EHBP1: variants seen among roughly 807,000 people sequenced by gnomAD.
EHBP1 encodes EH domain-binding protein 1.
A neutral mutation model predicts 144.0 loss-of-function variants in EHBP1; 55 were observed. The observed-to-expected ratio is 0.38, with a 90% confidence interval of 0.31 to 0.48. The LOEUF (loss-of-function observed/expected upper bound fraction) is 0.48. Among genes scored for constraint, EHBP1 ranks in the 20% least tolerant of loss-of-function variants. The pLI is 0.98. For synonymous variants in EHBP1, 469 were observed against 472.7 expected, an observed-to-expected ratio of 0.99 and a Z score of 0.10; for missense variants, 1,200 against 1,364.2, an observed-to-expected ratio of 0.88 and a Z score of 1.90.
At chr2:62,819,580 A>G (rs992914251) in intron 5 of EHBP1, among the ~76,000 whole-genome samples, 13 of 152,246 alleles carry the variant, frequency 8.5e-5, no homozygotes, top group African/African-American at 3.1e-4. Flanking sequence ...CCTGGCCAAC[A>G]TGGTGAAACC....
intron 2 of EHBP1, among the ~76,000 whole-genome samples, chr2:62,708,837 C>G (rs2034848704): frequency 6.6e-6 from 1 of 152,108 alleles, no homozygotes; most frequent in African/African-American, 2.4e-5. Flanking sequence ...GGAGGCTTAC[C>G]TAGCATGGGA....
At chr2:62,889,250 T>G (rs113587062) in intron 10 of EHBP1, among the ~76,000 whole-genome samples, 1,485 of 144,254 alleles carry the variant, frequency 0.01, 27 homozygotes, top group African/African-American at 0.036. Flanking sequence ...TGTGTGTGTG[T>G]TTTTTTTTTG....
chr2:62,685,827 C>CATCACT (rs758853851), intron 1 of EHBP1, among the ~76,000 whole-genome samples: 6 of 152,148 alleles, frequency 3.9e-5, no homozygotes, highest in Non-Finnish European at 8.8e-5. Context: ...CCCTTCTTCT[C>CATCACT]ATCACTGAGA....
chr2:62,674,724 C>T (rs186727541), intron 1 of EHBP1, among the ~76,000 whole-genome samples: 5 of 152,282 alleles, frequency 3.3e-5, no homozygotes, highest in Admixed American at 3.3e-4. Flanking sequence ...TGTGCAGCAA[C>T]AGTTTATTGT....
chr2:62,843,688 G>T (rs2152730598), intron 7 of EHBP1, among the ~76,000 whole-genome samples: 1 of 152,184 alleles, frequency 6.6e-6, no homozygotes, highest in East Asian at 1.9e-4. Context: ...AACTTTCAGG[G>T]ATATATTTTT....
chr2:62,936,552 A>G (rs1436944337), intron 10 of EHBP1, among the ~76,000 whole-genome samples: 4 of 151,874 alleles, frequency 2.6e-5, no homozygotes, highest in Non-Finnish European at 4.4e-5. Context: ...CAAAAGTGCA[A>G]CTCTACCTCT....
intron 10 of EHBP1, among the ~76,000 whole-genome samples, chr2:62,923,212 C>T (rs996001136): frequency 2.0e-5 from 3 of 152,180 alleles, no homozygotes; most frequent in Non-Finnish European, 2.9e-5. Context: ...AAAATCTGGA[C>T]CCAAGATTGG....
intron 13 of EHBP1, among the ~76,000 whole-genome samples, chr2:62,953,510 T>C (rs919276926): frequency 2.6e-5 from 4 of 151,642 alleles, no homozygotes; most frequent in Non-Finnish European, 2.9e-5. Context: ...GATCATGCCA[T>C]TGGACTCCAG....
At chr2:62,814,926 G>A (rs1356703881) in intron 5 of EHBP1, among the ~76,000 whole-genome samples, 1 of 152,120 alleles carries the variant, frequency 6.6e-6, no homozygotes, top group South Asian at 2.1e-4. Context: ...GGGCTAGATA[G>A]CATGAATAAT....
intron 16 of EHBP1, among the ~76,000 whole-genome samples, chr2:62,991,863 CT>C (rs1440664870): frequency 6.6e-6 from 1 of 152,138 alleles, no homozygotes; most frequent in East Asian, 1.9e-4. Context: ...TGCTTTTCCC[CT>C]ATATTGTCAG....
At chr2:62,857,119 C>T (rs1159403964) in intron 7 of EHBP1, among the ~76,000 whole-genome samples, 1 of 152,162 alleles carries the variant, frequency 6.6e-6, no homozygotes, top group Non-Finnish European at 1.5e-5. Context: ...GGAATGCAGC[C>T]TATCGAACTT....
At chr2:63,041,830 G>A (rs1010634909) in intron 21 of EHBP1, among the ~76,000 whole-genome samples, 3 of 152,132 alleles carry the variant, frequency 2.0e-5, no homozygotes, top group African/African-American at 7.2e-5. Flanking sequence ...CAAAGTGCCA[G>A]GCTTATTTAT....
At chr2:63,020,960 G>A (rs2060715639) in intron 19 of EHBP1, among the ~76,000 whole-genome samples, 2 of 147,864 alleles carry the variant, frequency 1.4e-5, no homozygotes, top group South Asian at 2.2e-4. Context: ...TTACAGGTAT[G>A]AGCCACCGTG....
intron 10 of EHBP1, among the ~76,000 whole-genome samples, chr2:62,906,516 AC>A (rs1407506741): frequency 3.3e-5 from 5 of 152,226 alleles, no homozygotes; most frequent in African/African-American, 1.2e-4. Context: ...AGTATTACAC[AC>A]CTTTTATCCA....
intron 7 of EHBP1, among the ~76,000 whole-genome samples, chr2:62,837,985 C>T (rs1262638534): frequency 5.4e-5 from 8 of 147,604 alleles, no homozygotes; most frequent in South Asian, 2.3e-4. Context: ...CTGCACCAAG[C>T]GGACCTAATA....
chr2:62,789,243 A>C (rs1488626450), intron 5 of EHBP1, among the ~76,000 whole-genome samples: 1 of 152,234 alleles, frequency 6.6e-6, no homozygotes, highest in African/African-American at 2.4e-5. Context: ...CAGAATGTAC[A>C]TTAGGAAGAC....
At chr2:62,754,054 A>G (rs2040021761) in intron 3 of EHBP1, among the ~76,000 whole-genome samples, 1 of 152,030 alleles carries the variant, frequency 6.6e-6, no homozygotes, top group Admixed American at 6.6e-5. Context: ...GTTCCTTTGG[A>G]GGGGGAGAGG....
intron 7 of EHBP1, among the ~76,000 whole-genome samples, chr2:62,837,483 A>G (rs1573620679): frequency 6.6e-6 from 1 of 152,094 alleles, no homozygotes; most frequent in South Asian, 2.1e-4. Context: ...AAATTCACAC[A>G]TAACAATATT....
chr2:62,830,292 C>T (rs1353643403), intron 6 of EHBP1, among the ~76,000 whole-genome samples: 11 of 151,714 alleles, frequency 7.3e-5, no homozygotes, highest in African/African-American at 2.2e-4. Flanking sequence ...CATGCCACCA[C>T]GCCCGGCTAA....
Sources: allele counts gnomAD v4.1 joint callset (sites outside exome capture counted in the v4.1 genomes callset), GRCh38; gene constraint gnomAD v4.1.1; transcripts MANE v1.5; gene names NCBI Gene and HGNC (gene_info 2026-07-23, HGNC 2026-07-21).